The following HSPD1 variants were observed in gnomAD, a reference collection of about 807,000 sequenced individuals.
The protein encoded by HSPD1 is 60 kDa heat shock protein, mitochondrial.
HSPD1 carries 3 observed loss-of-function variants against 53.0 expected under a neutral mutation model. The ratio of observed to expected loss-of-function variants is 0.06; its 90% confidence interval spans 0.03 to 0.15. The LOEUF (loss-of-function observed/expected upper bound fraction) is 0.15, where lower values mean the gene tolerates loss of function less well. Among genes scored for constraint, HSPD1 ranks in the 10% least tolerant of loss-of-function variants. The pLI is 1.00. For synonymous variants in HSPD1, 200 were observed against 228.0 expected, an observed-to-expected ratio of 0.88 and a Z score of 1.10; for missense variants, 431 against 694.1, an observed-to-expected ratio of 0.62 and a Z score of 4.26.
At chr2:197,494,892 A>G (rs1034939177) in intron 4 of HSPD1, 140 bp from the exon 5 acceptor site, 7 of 701,988 alleles carry the variant, frequency 1.0e-5, no homozygotes, top group Non-Finnish European at 1.6e-5. Flanking sequence ...GGTAGTTTTC[A>G]TGAAGTACTG....
At position 197,486,642 on chromosome 2, in the gene HSPD1, C is replaced by T. The variant is rs2086028714; in HGVS notation, c.*404G>A. The T allele has an allele frequency of 3.9e-6, 1 of 253,974 alleles. No homozygotes were observed. The highest frequency in any genetic ancestry group is 7.8e-6 in the Non-Finnish European group (1 of 128,106). 15.7% of individuals were successfully genotyped at this position (253,974 alleles called of 1,614,324 possible). On this transcript the variant is annotated 3_prime_UTR_variant, in exon 12 of 12. Transcript: ENST00000388968. ...TGTCACATAATTGGATACTTCTCTA[C>T]TTTGTACACAATTATTCTCACTCTC...
chr2:197,487,233 G>A, intron 11 of HSPD1, 35 bp from the exon 12 acceptor site: 1 of 1,584,168 alleles, frequency 6.3e-7, no homozygotes, highest in Non-Finnish European at 8.7e-7. Flanking sequence ...TTTTCCCTTA[G>A]TAAAATATGA....
chr2:197,486,954 T>C lies in HSPD1; in HGVS notation c.*92A>G. On this transcript the variant is annotated 3_prime_UTR_variant, in exon 12 of 12. Transcript: ENST00000388968. ...TCAGCCAGCCTTTTTCTTCATTTTC[T>C]CCAACTGACTTCTCTGAAGTTATTG... 1.8e-6 allele frequency: 2 copies of C among 1,092,278 alleles called. No individual in the cohort carries two copies. The highest frequency in any genetic ancestry group is 2.8e-6 in the Non-Finnish European group (2 of 707,476). 67.7% of individuals were successfully genotyped at this position (1,092,278 alleles called of 1,614,324 possible).
At chr2:197,491,517 G>A (rs186192277) in intron 7 of HSPD1, among the ~76,000 whole-genome samples, 37 of 152,242 alleles carry the variant, frequency 2.4e-4, no homozygotes, top group African/African-American at 8.2e-4. Context: ...ACATTCCAGG[G>A]TAAGGCAGCT....
rs779265741 is a variant in HSPD1 at position 197,489,110 on chromosome 2, T to G, written c.1107A>C (p.Lys369Asn). The stretch of plus-strand genomic sequence containing the variant: ...ACTGCTCAATGATTTCTTGAATACG[T>G]TTTTCAATTTGAGCCTTGTCACCTT... Reference protein sequence around the residue: ...KGKGDKAQIEKRIQEIIEQLD... With the variant: ...KGKGDKAQIENRIQEIIEQLD... The change falls in exon 9 of 12, where the codon AAA (lysine) becomes AAC (asparagine). Residue 369 changes from lysine to asparagine, a missense_variant. Physicochemically the swap from Lys to Asn is moderately conservative, Grantham distance 94. Around this residue, in one of 2 missense-constraint regions of HSPD1, gnomAD observed 386 missense variants for 657.6 expected, o/e 0.59. Coordinates refer to ENST00000388968, the MANE Select transcript of HSPD1 (RefSeq NM_002156.5). 35 of 1,613,912 alleles carry G rather than the reference T, an allele frequency of 2.2e-5. No individual in the cohort carries two copies. The highest frequency in any genetic ancestry group is 2.8e-5 in the Non-Finnish European group (33 of 1,179,920).
In HSPD1 at chr2:197,488,488, C is replaced by T. The variant is rs781279282; in HGVS notation, c.1219G>A (p.Gly407Ser). The change falls in exon 10 of 12, where the codon GGT becomes AGT. Residue 407 changes from glycine to serine, a missense_variant. This residue lies in a region of HSPD1 where 386 missense variants were observed against 657.6 expected (regional missense o/e 0.59). Coordinates refer to ENST00000388968, the MANE Select transcript of HSPD1 (RefSeq NM_002156.5). The stretch of plus-strand genomic sequence containing the variant: ...TTCACTTCAACATCACTTGTCCCAC[C>T]AACCTAAAGACGAAAAGAATTCCAG... ...LSDGVAVLKV[G>S]GTSDVEVNEK... The T allele has an allele frequency of 6.8e-6, 11 of 1,613,408 alleles. No homozygotes were observed. The highest frequency in any genetic ancestry group is 6.8e-6 in the Non-Finnish European group (8 of 1,179,322).
chr2:197,500,111 G>A (rs1213303595), upstream of HSPD1: 4 of 450,134 alleles, frequency 8.9e-6, no homozygotes, highest in Admixed American at 1.4e-4. Context: ...ACGGCTCAAG[G>A]GTCAAATCGC....
Position 197,489,117 on chromosome 2 carries a change from A to G in HSPD1, c.1100T>C (p.Ile367Thr), listed in dbSNP as rs748307894. The change falls in exon 9 of 12, where the codon ATT becomes ACT. Residue 367 changes from isoleucine (I) to threonine (T), a missense_variant. Around this residue, in one of 2 missense-constraint regions of HSPD1, gnomAD observed 386 missense variants for 657.6 expected, o/e 0.59. Coordinates refer to ENST00000388968, the MANE Select transcript of HSPD1 (RefSeq NM_002156.5). ...LLKGKGDKAQIEKRIQEIIEQ... is the reference protein window; with the variant it reads ...LLKGKGDKAQTEKRIQEIIEQ... ...AATGATTTCTTGAATACGTTTTTCA[A>G]TTTGAGCCTTGTCACCTTTTCCTTT... 3.7e-6 allele frequency: 6 copies of G among 1,614,016 alleles called. No individual in the cohort carries two copies. In the South Asian group the frequency reaches 4.4e-5, roughly 12 times the overall value.
In HSPD1 at chr2:197,488,985, A is replaced by G. The variant is rs1235751492; in HGVS notation, c.1215+17T>C. 1 of 1,613,858 alleles carries G rather than the reference A, an allele frequency of 6.2e-7. No homozygotes were observed. The highest frequency in any genetic ancestry group is 2.2e-5 in the East Asian group (1 of 44,882). ...GACTCAGAACCCAAGAAACTTATTC[A>G]TAATAATGAATGTTACCTTCAGCAC... On this transcript the variant is annotated intron_variant, in intron 9 of 11. Transcript: ENST00000388968.
intron 5 of HSPD1, 173 bp downstream of exon 5, chr2:197,494,484 A>G: frequency 1.6e-6 from 1 of 633,962 alleles, no homozygotes; most frequent in Non-Finnish European, 2.8e-6. Context: ...CACATAAAAC[A>G]CAGTAAGTAC....
intron 6 of HSPD1, among the ~76,000 whole-genome samples, chr2:197,493,885 G>A (rs1367876708): frequency 6.6e-6 from 1 of 152,032 alleles, no homozygotes; most frequent in Non-Finnish European, 1.5e-5. Context: ...TGGATCACCT[G>A]AGGTCAGGAG....
rs545912380 is a variant in HSPD1, at chr2:197,499,064, T to C, written c.-2-214A>G. On this transcript the variant is annotated intron_variant, in intron 1 of 11. Transcript: ENST00000388968. ...GCCGCCCCGGCCGGCGCCTGACCTATAGCACCAGCACAAAGCACATGCGGC... is the reference window on the plus strand; with the variant it reads ...GCCGCCCCGGCCGGCGCCTGACCTACAGCACCAGCACAAAGCACATGCGGC... 115 of 616,290 alleles carry C rather than the reference T, an allele frequency of 1.9e-4. No homozygotes were observed. The African/African-American group carries it at 2.0e-3, about 11-fold the overall frequency. 38.2% of individuals were successfully genotyped at this position (616,290 alleles called of 1,614,324 possible).
intron 4 of HSPD1, 29 bp downstream of exon 4, chr2:197,495,265 A>T (rs770074723): frequency 3.6e-6 from 5 of 1,405,526 alleles, no homozygotes; most frequent in South Asian, 1.2e-5. Context: ...AATTTTTTTT[A>T]AAAAACGTGT....
At chr2:197,492,448 C>A (rs2086105197) in intron 7 of HSPD1, among the ~76,000 whole-genome samples, 1 of 152,044 alleles carries the variant, frequency 6.6e-6, no homozygotes, top group Non-Finnish European at 1.5e-5. Context: ...CCTGTGCCTC[C>A]CCAAGTGCTG....
At chr2:197,489,429 T>G (rs2106071835) in intron 8 of HSPD1, among the ~76,000 whole-genome samples, 182 bp from the exon 9 acceptor site, 1 of 152,328 alleles carries the variant, frequency 6.6e-6, no homozygotes, top group Admixed American at 6.5e-5. Flanking sequence ...CATTTCCAAA[T>G]TCTCAATTCT....
chr2:197,488,768 C>T (rs1209423277), intron 9 of HSPD1, among the ~76,000 whole-genome samples: 2 of 152,196 alleles, frequency 1.3e-5, no homozygotes, highest in East Asian at 3.9e-4. Flanking sequence ...CTCGGGAGGC[C>T]AAGGCAGGAG....
In HSPD1 at chr2:197,497,301, T is replaced by G. The variant is rs894649400; in HGVS notation, c.266A>C (p.Lys89Thr). Residue 89 changes from lysine to threonine, a missense_variant, in exon 3 of 12, where the codon AAA becomes ACA. Physicochemically the swap from Lys to Thr is moderately conservative, Grantham distance 78. Around this residue, in one of 2 missense-constraint regions of HSPD1, gnomAD observed 386 missense variants for 657.6 expected, o/e 0.59. Coordinates refer to ENST00000388968, the MANE Select transcript of HSPD1 (RefSeq NM_002156.5). The stretch of plus-strand genomic sequence containing the variant: ...AAGTTTAGCTCCAATGTTTTTGTAT[T>G]TATCTTTTAAGTCAATTGACTTTGC... ...TVAKSIDLKD[K>T]YKNIGAKLVQ... 1 of 1,613,662 alleles carries G rather than the reference T, an allele frequency of 6.2e-7. No individual in the cohort carries two copies. The highest frequency in any genetic ancestry group is 1.3e-5 in the African/African-American group (1 of 74,922).
intron 4 of HSPD1, 49 bp downstream of exon 4, chr2:197,495,245 C>G: frequency 9.6e-7 from 1 of 1,037,480 alleles, no homozygotes; most frequent in Non-Finnish European, 1.5e-6. Context: ...AAAAATCACA[C>G]ATGCCATTAA....
rs2086126293 is a variant in HSPD1, at chr2:197,494,049, C to T, written c.700+108G>A. On this transcript the variant is annotated intron_variant, in intron 6 of 11. Transcript: ENST00000388968. ...CCCGGAAGGCGGAGGTTGCAGTGAG[C>T]AACGCGCCACCACATCATGCCACTG... 3 of 644,114 alleles carry T rather than the reference C, an allele frequency of 4.7e-6. No individual in the cohort carries two copies. In the Admixed American group the frequency reaches 7.3e-5, roughly 16 times the overall value. The allele number at this position is 644,114 out of a possible 1,614,324, so 39.9% of individuals were successfully genotyped here.
Sources: allele counts gnomAD v4.1 joint callset (sites outside exome capture counted in the v4.1 genomes callset), GRCh38; gene constraint gnomAD v4.1.1; regional missense constraint gnomAD v4.1.1; transcripts MANE v1.5; gene names NCBI Gene and HGNC (gene_info 2026-07-23, HGNC 2026-07-21).